The following PUS7 variants were observed in gnomAD, a reference collection of about 807,000 sequenced individuals.
PUS7 encodes pseudouridine synthase 7.
Under a neutral mutation model 79.8 loss-of-function variants are expected in PUS7, and 48 were observed. That is an observed-to-expected ratio of 0.60 (90% CI 0.48 to 0.76). PUS7 has a LOEUF of 0.76. Among genes scored for constraint, PUS7 ranks in the 30% least tolerant of loss-of-function variants. PUS7 has a pLI of 0.00. For synonymous variants in PUS7, 286 were observed against 272.2 expected, an observed-to-expected ratio of 1.05 and a Z score of -0.50; for missense variants, 729 against 797.6, an observed-to-expected ratio of 0.91 and a Z score of 1.04.
At position 105,464,223 on chromosome 7, in the gene PUS7, T is replaced by C. The variant is rs140220293; in HGVS notation, c.1627+1090A>G. Among the ~76,000 whole-genome samples the C allele has an allele frequency of 5.3e-3, 659 of 123,768 alleles. 1 individual carries two copies. The highest frequency in any genetic ancestry group is 9.5e-3 in the Admixed American group (98 of 10,328). 81.2% of individuals were successfully genotyped at this position (123,768 alleles called of 152,430 possible). ...AATAATGTTTTCTTTCTTATGATAG[T>C]TGATTTTGGGTGTCAACTTGACTGG... On this transcript the variant is annotated intron_variant, in intron 13 of 15. Transcript: ENST00000469408.
At position 105,508,240 on chromosome 7, in the gene PUS7, C is replaced by T. The variant is rs752320733; in HGVS notation, c.273G>A (p.Glu91=). ...EEEEEEDGLS[E]ECEEEESESF... ...TCTCTGATTCCTCCTCCTCGCACTC[C>T]TCTGAAAGTCCATCTTCCTCCTCTT... Residue 91 remains glutamate, a synonymous_variant, in exon 2 of 16, where the codon GAG becomes GAA. Coordinates refer to ENST00000469408, the MANE Select transcript of PUS7 (RefSeq NM_019042.5). 6.2e-7 allele frequency: 1 copy of T among 1,614,150 alleles called. No homozygotes were observed. The highest frequency in any genetic ancestry group is 2.2e-5 in the East Asian group (1 of 44,880).
chr7:105,510,571 T>C (rs1825662746), intron 1 of PUS7, among the ~76,000 whole-genome samples: 1 of 152,070 alleles, frequency 6.6e-6, no homozygotes, highest in Non-Finnish European at 1.5e-5. Flanking sequence ...TTGAGAGCAG[T>C]GGCACGATCT....
chr7:105,462,697 T>C lies in PUS7; in HGVS notation c.1681A>G (p.Met561Val), dbSNP rs757309811. The C allele has an allele frequency of 6.2e-7, 1 of 1,613,742 alleles. No individual in the cohort carries two copies. The highest frequency in any genetic ancestry group is 1.1e-5 in the South Asian group (1 of 91,042). ...LTADNLDIDN[M>V]RHKIRDYSLS... The stretch of plus-strand genomic sequence containing the variant: ...GAATAATCTCGAATTTTGTGTCTCA[T>C]GTTGTCAATATCAAGATTGTCAGCT... The change falls in exon 14 of 16, where the codon ATG becomes GTG. Residue 561 changes from methionine to valine, a missense_variant. By Grantham distance (21) the Met-to-Val change is conservative (BLOSUM62 1). Coordinates refer to ENST00000469408, the MANE Select transcript of PUS7 (RefSeq NM_019042.5).
At chr7:105,467,065 C>G (rs1554543675) in intron 12 of PUS7, among the ~76,000 whole-genome samples, 1 of 90,392 alleles carries the variant, frequency 1.1e-5, no homozygotes, top group Non-Finnish European at 2.0e-5. Flanking sequence ...TTTTTTTTAA[C>G]TAGCTGTGGA....
At chr7:105,463,242 C>A (rs1284212439) in intron 13 of PUS7, among the ~76,000 whole-genome samples, 2 of 152,196 alleles carry the variant, frequency 1.3e-5, no homozygotes, top group African/African-American at 4.8e-5. Flanking sequence ...CCTTTGCTTG[C>A]ACAGTCATTA....
At chr7:105,512,144 CAAAAAAAAAAAAA>C (rs59884368) in intron 1 of PUS7, among the ~76,000 whole-genome samples, 2 of 68,826 alleles carry the variant, frequency 2.9e-5, no homozygotes, top group African/African-American at 1.2e-4. Context: ...GATTCTGTCT[CAAAAAAAAAAAAA>C]AAAAAAAAAA....
rs1383024329 is a variant in PUS7, at chr7:105,508,100, A to G, written c.398+15T>C. 3 of 1,594,032 alleles carry G rather than the reference A, an allele frequency of 1.9e-6. No individual in the cohort carries two copies. Among genetic ancestry groups the G allele is most frequent in the Non-Finnish European group, 2.6e-6 (3 of 1,170,612 alleles). On this transcript the variant is annotated intron_variant, in intron 2 of 15. Transcript: ENST00000469408. ...TAATACAATCAAAATAACTTTATTC[A>G]TAAACTAAATGTACCTTTCTTTTAA...
At chr7:105,512,571 T>C (rs984640114) in intron 1 of PUS7, among the ~76,000 whole-genome samples, 3 of 152,138 alleles carry the variant, frequency 2.0e-5, no homozygotes, top group Non-Finnish European at 4.4e-5. Context: ...TGCAAAGGCA[T>C]GGGGGCGTGG....
intron 13 of PUS7, among the ~76,000 whole-genome samples, chr7:105,463,642 GTTCT>G (rs1312561181): frequency 5.5e-5 from 2 of 36,214 alleles, no homozygotes; most frequent in East Asian, 8.3e-4. Context: ...ACCTTCTGCA[GTTCT>G]TTTTTTTTTT....
chr7:105,492,763 TC>T (rs1313056157), intron 6 of PUS7, among the ~76,000 whole-genome samples: 1 of 152,114 alleles, frequency 6.6e-6, no homozygotes, highest in African/African-American at 2.4e-5. Flanking sequence ...CGCCTCGGCC[TC>T]CCAAAGTGCT....
At chr7:105,513,563 T>A (rs1825777662) in intron 1 of PUS7, among the ~76,000 whole-genome samples, 1 of 152,200 alleles carries the variant, frequency 6.6e-6, no homozygotes, top group Non-Finnish European at 1.5e-5. Flanking sequence ...CTCACGCCTG[T>A]AATCCCAGCA....
intron 12 of PUS7, among the ~76,000 whole-genome samples, chr7:105,467,556 G>C (rs1396525549): frequency 1.3e-5 from 2 of 151,728 alleles, no homozygotes; most frequent in African/African-American, 4.8e-5. Context: ...CCAAAGTGCT[G>C]GGATTACAGG....
At chr7:105,476,645 T>A (rs998754108) in intron 9 of PUS7, among the ~76,000 whole-genome samples, 3 of 152,194 alleles carry the variant, frequency 2.0e-5, no homozygotes, top group African/African-American at 7.2e-5. Flanking sequence ...CGTGAGTCAC[T>A]GCGCCTGGCC....
chr7:105,459,339 G>A (rs377597917), intron 14 of PUS7, 80 bp from the exon 15 acceptor site: 2 of 851,822 alleles, frequency 2.3e-6, no homozygotes, highest in African/African-American at 3.5e-5. Context: ...CATTTATTTA[G>A]CAAGAAAAAC....
intron 1 of PUS7, among the ~76,000 whole-genome samples, chr7:105,512,364 T>C (rs1184581017): frequency 6.6e-6 from 1 of 152,094 alleles, no homozygotes; most frequent in Non-Finnish European, 1.5e-5. Flanking sequence ...CACTCTCACC[T>C]TACAGCAACA....
At chr7:105,515,778 G>GTATTT (rs1179675013) in intron 1 of PUS7, among the ~76,000 whole-genome samples, 3 of 136,420 alleles carry the variant, frequency 2.2e-5, no homozygotes, top group African/African-American at 8.4e-5. Flanking sequence ...ACTAAGTTTT[G>GTATTT]TATTTTATTT....
rs1461495782 is a variant in PUS7, at chr7:105,514,796, AT to A, written c.-32-6253del. On this transcript the variant is annotated intron_variant, in intron 1 of 15. Transcript: ENST00000469408. ...ATATAATAACTAAAAATTCTCTCTC[AT>A]TTTTTTTTTTTTGAGACGGAGTCTC... Among the ~76,000 whole-genome samples the A allele has an allele frequency of 7.5e-4, 109 of 145,610 alleles. 1 individual carries two copies. The highest frequency in any genetic ancestry group is 2.9e-3 in the Admixed American group (42 of 14,610).
rs544457472 is a variant in PUS7, at chr7:105,460,722, C to T, written c.1758-1463G>A. The stretch of plus-strand genomic sequence containing the variant: ...ACAAAAAATTAGCCGGACGTGGTAG[C>T]GGGCGCCTGTAGTCCCAGCTACTCG... On this transcript the variant is annotated intron_variant, in intron 14 of 15. Coordinates refer to ENST00000469408, the MANE Select transcript of PUS7 (RefSeq NM_019042.5). Among the ~76,000 whole-genome samples the T allele has an allele frequency of 6.0e-5, 9 of 151,056 alleles. No homozygotes were observed. In the East Asian group the frequency reaches 1.4e-3, roughly 23 times the overall value.
At chr7:105,508,871 TAAA>T (rs34249093) in intron 1 of PUS7, among the ~76,000 whole-genome samples, 389 of 22,908 alleles carry the variant, frequency 0.017, 16 homozygotes, top group East Asian at 0.12. Flanking sequence ...GACATTGTCT[TAAA>T]AAAAAAAAAA....
Sources: gnomAD v4.1 joint callset for allele counts (sites outside exome capture counted in the v4.1 genomes callset) on GRCh38, gnomAD v4.1.1 for gene constraint, MANE v1.5 for transcripts, NCBI Gene and HGNC (gene_info 2026-07-23, HGNC 2026-07-21) for gene names.